The following LRMDA variants were observed in gnomAD, a reference collection of about 807,000 sequenced individuals.
LRMDA encodes the protein leucine-rich melanocyte differentiation-associated protein.
A neutral mutation model predicts 29.8 loss-of-function variants in LRMDA; 18 were observed. The observed-to-expected ratio is 0.60, with a 90% confidence interval of 0.42 to 0.90. The LOEUF (loss-of-function observed/expected upper bound fraction) is 0.90. Ranked by LOEUF, LRMDA falls within the 40% of genes least tolerant of loss-of-function variation. LRMDA has a pLI of 0.00. For synonymous variants in LRMDA, 125 were observed against 109.4 expected (o/e 1.14, Z -0.89); for missense variants, 273 against 273.9 (o/e 1.00, Z 0.02).
intron 2 of LRMDA, among the ~76,000 whole-genome samples, chr10:75,702,754 G>C (rs752762625): frequency 6.6e-6 from 1 of 152,312 alleles, no homozygotes; most frequent in Admixed American, 6.5e-5. Context: ...GGCAACCTTC[G>C]CATTTGGTTT....
chr10:75,827,152 C>T (rs1015089440), intron 2 of LRMDA, among the ~76,000 whole-genome samples: 5 of 152,130 alleles, frequency 3.3e-5, no homozygotes, highest in Non-Finnish European at 5.9e-5. Context: ...TTGCACATCG[C>T]ATGTTTTTGT....
chr10:76,550,494 G>T, intron 6 of LRMDA, among the ~76,000 whole-genome samples: 1 of 59,318 alleles, frequency 1.7e-5, no homozygotes, highest in African/African-American at 6.7e-5. Context: ...CCCACCCCCG[G>T]CCCCCATGGT....
rs139953399 is a variant in LRMDA at position 75,822,311 on chromosome 10, T to A, written c.132-213697T>A. On this transcript the variant is annotated intron_variant, in intron 2 of 6. Transcript: ENST00000611255. ...TACAAAACACTGAAGAAAGAAATCA[T>A]AGATGACACAAACAAATAGAAAAAC... Among the ~76,000 whole-genome samples the A allele has an allele frequency of 2.5e-3, 386 of 152,176 alleles. 1 individual carries two copies. Among genetic ancestry groups the A allele is most frequent in the African/African-American group, 8.9e-3 (371 of 41,516 alleles).
chr10:76,254,364 CTATG>C lies in LRMDA; in HGVS notation c.517-70036_517-70033del, dbSNP rs1564701545. Among the ~76,000 whole-genome samples the C allele has an allele frequency of 2.5e-4, 33 of 132,806 alleles. 1 individual carries two copies. The highest frequency in any genetic ancestry group is 5.9e-4 in the African/African-American group (22 of 37,144). 87.1% of individuals were successfully genotyped at this position (132,806 alleles called of 152,430 possible). ...CCATCCTATCCTATCCTATCCTATGCTATGCTATGCTATGCTATGCTATGCTATG... is the reference window on the plus strand; with the variant it reads ...CCATCCTATCCTATCCTATCCTATGCCTATGCTATGCTATGCTATGCTATG... On this transcript the variant is annotated intron_variant, in intron 5 of 6. Coordinates refer to ENST00000611255, the MANE Select transcript of LRMDA (RefSeq NM_001305581.2).
At chr10:76,420,839 T>G (rs1054908913) in intron 6 of LRMDA, among the ~76,000 whole-genome samples, 14 of 152,122 alleles carry the variant, frequency 9.2e-5, no homozygotes, top group African/African-American at 3.4e-4. Context: ...AGTTATCTTT[T>G]GTTAATAATT....
Position 76,219,093 on chromosome 10 carries a change from C to G in LRMDA, c.517-105308C>G, listed in dbSNP as rs569024784. ...AGATTTTGTCACCACCAGGCCTGCC[C>G]TAAAAGAACTCCTGAAGGAAGCACT... On this transcript the variant is annotated intron_variant, in intron 5 of 6. Transcript: ENST00000611255. Among the ~76,000 whole-genome samples, 12 of 152,284 alleles carry G rather than the reference C, an allele frequency of 7.9e-5. No individual in the cohort carries two copies. In the South Asian group the frequency reaches 2.5e-3, roughly 32 times the overall value.
chr10:76,296,660 C>G (rs1213550509), intron 5 of LRMDA, among the ~76,000 whole-genome samples: 1 of 152,114 alleles, frequency 6.6e-6, no homozygotes, highest in African/African-American at 2.4e-5. Flanking sequence ...GTATATTGGA[C>G]CAAGGAGTGC....
At chr10:75,545,287 T>G (rs1416422719) in intron 2 of LRMDA, among the ~76,000 whole-genome samples, 1 of 152,072 alleles carries the variant, frequency 6.6e-6, no homozygotes, top group Non-Finnish European at 1.5e-5. Flanking sequence ...GAAACTACAA[T>G]CTGTTAATCA....
intron 2 of LRMDA, among the ~76,000 whole-genome samples, chr10:75,782,500 C>A (rs1259992219): frequency 6.6e-6 from 1 of 151,926 alleles, no homozygotes; most frequent in Non-Finnish European, 1.5e-5. Flanking sequence ...GATTTTTCAC[C>A]GGCTTCTTCC....
intron 2 of LRMDA, among the ~76,000 whole-genome samples, chr10:75,556,741 G>A (rs1840218651): frequency 7.2e-6 from 1 of 138,576 alleles, no homozygotes; most frequent in South Asian, 2.5e-4. Context: ...GACCCATGTG[G>A]TTGCATGATT....
chr10:75,900,641 A>G (rs1177071724), intron 2 of LRMDA, among the ~76,000 whole-genome samples: 2 of 152,140 alleles, frequency 1.3e-5, no homozygotes, highest in African/African-American at 2.4e-5. Flanking sequence ...GGAGGGGTTA[A>G]TGCACACAGA....
At chr10:76,440,879 G>A (rs539162753) in intron 6 of LRMDA, among the ~76,000 whole-genome samples, 6 of 152,158 alleles carry the variant, frequency 3.9e-5, no homozygotes, top group Non-Finnish European at 5.9e-5. Context: ...GCCACCCCAC[G>A]TCTCCCCTTC....
intron 2 of LRMDA, among the ~76,000 whole-genome samples, chr10:75,832,036 T>C (rs577139733): frequency 6.6e-6 from 1 of 152,250 alleles, no homozygotes; most frequent in Non-Finnish European, 1.5e-5. Flanking sequence ...TGACATGCCC[T>C]GGAGACATTG....
chr10:75,752,240 T>TTG (rs1842978344), intron 2 of LRMDA, among the ~76,000 whole-genome samples: 1 of 133,726 alleles, frequency 7.5e-6, no homozygotes, highest in African/African-American at 2.9e-5. Flanking sequence ...TGAGATGGAG[T>TTG]CTCACTCTGT....
chr10:75,683,534 TGCATGCTACAG>T (rs943357151), intron 2 of LRMDA, among the ~76,000 whole-genome samples: 33 of 152,346 alleles, frequency 2.2e-4, no homozygotes, highest in Admixed American at 2.1e-3. Flanking sequence ...ATAAGAACAT[TGCATGCTACAG>T]TAATCATAGA....
chr10:75,732,693 G>A, intron 2 of LRMDA, among the ~76,000 whole-genome samples: 1 of 152,116 alleles, frequency 6.6e-6, no homozygotes, highest in Non-Finnish European at 1.5e-5. Context: ...CTGCCTATTT[G>A]TTCACAGCTC....
In LRMDA at chr10:75,741,911, C is replaced by T. The variant is rs568648152; in HGVS notation, c.132-294097C>T. Among the ~76,000 whole-genome samples, 364 of 152,210 alleles carry T rather than the reference C, an allele frequency of 2.4e-3. 4 individuals carry two copies. The highest frequency in any genetic ancestry group is 2.4e-3 in the Admixed American group (36 of 15,292). Reference sequence around the variant, plus strand: ...GTCATAAGGGTGGAGCTCTCATGAACGATGGGATTAGTACCCTTATAAAAG... The same window carrying T: ...GTCATAAGGGTGGAGCTCTCATGAATGATGGGATTAGTACCCTTATAAAAG... On this transcript the variant is annotated intron_variant, in intron 2 of 6. Transcript: ENST00000611255.
intron 2 of LRMDA, among the ~76,000 whole-genome samples, chr10:75,808,115 A>G (rs796623714): frequency 6.6e-5 from 10 of 152,186 alleles, no homozygotes; most frequent in African/African-American, 2.4e-4. Context: ...TAGAATGAAC[A>G]CCTCCTTTTT....
intron 2 of LRMDA, among the ~76,000 whole-genome samples, chr10:75,745,402 C>CTT (rs1842879808): frequency 6.6e-6 from 1 of 152,134 alleles, no homozygotes; most frequent in Non-Finnish European, 1.5e-5. Flanking sequence ...AGTCCTCATG[C>CTT]TGTACTTTAG....
Sources: allele counts gnomAD v4.1 joint callset (sites outside exome capture counted in the v4.1 genomes callset), GRCh38; gene constraint gnomAD v4.1.1; transcripts MANE v1.5; gene names NCBI Gene and HGNC (gene_info 2026-07-23, HGNC 2026-07-21).